Variants in CFAP47 observed in about 807,000 individuals in gnomAD.
CFAP47 encodes the protein cilia- and flagella-associated protein 47.
CFAP47 carries 29 observed loss-of-function variants against 148.1 expected under a neutral mutation model. The observed-to-expected ratio is 0.20, with a 90% CI of 0.15 to 0.27. CFAP47 has a LOEUF of 0.27. CFAP47 is among the 10% of genes least tolerant of loss of function. The pLI is 1.00. For missense variants in CFAP47, 1,872 were observed against 1,697.5 expected, an observed-to-expected ratio of 1.10 and a Z score of -1.81; for synonymous variants, 664 against 577.3, an observed-to-expected ratio of 1.15 and a Z score of -2.15.
In CFAP47 at chrX:35,970,751, A is replaced by G; in HGVS notation, c.1815-17A>G. 2 of 1,138,817 alleles carry G rather than the reference A, an allele frequency of 1.8e-6. No individual in the cohort carries two copies. Among genetic ancestry groups the G allele is most frequent in the East Asian group, 6.1e-5 (2 of 32,894 alleles). 93.9% of individuals were successfully genotyped at this position (1,138,817 alleles called of 1,213,427 possible). A position where few individuals can be genotyped will look rare whatever the true frequency, so the allele number is the denominator to read the frequency against. On this transcript the variant is annotated splice_polypyrimidine_tract_variant and intron_variant, in intron 10 of 63. Transcript: ENST00000378653. The stretch of plus-strand genomic sequence containing the variant: ...ATGCATATATAAAAATATTAACATG[A>G]CTTGCTTATATTGCAGGCCAATTTT...
At chrX:36,312,863 A>G (rs1556010257) in intron 56 of CFAP47, among the ~76,000 whole-genome samples, 1 of 111,236 alleles carries the variant, frequency 9.0e-6, no homozygotes, top group African/African-American at 3.3e-5. Context: ...AGGAGATATG[A>G]GACAAAGGAA....
intron 51 of CFAP47, among the ~76,000 whole-genome samples, chrX:36,292,049 G>A (rs1941198651): frequency 9.0e-6 from 1 of 110,532 alleles, no homozygotes; most frequent in Admixed American, 9.7e-5. Context: ...TAAACTTTAG[G>A]CTCTTCCAGT....
chrX:36,073,284 A>G lies in CFAP47; in HGVS notation c.4611A>G (p.Val1537=), dbSNP rs1937790165. Reference sequence around the variant, plus strand: ...CACACTACTTTTTTGAGAAGGTTGTAAATGCAGCACAGACCTGGTTCAGTC... The same window carrying G: ...CACACTACTTTTTTGAGAAGGTTGTGAATGCAGCACAGACCTGGTTCAGTC... ...TKAHYFFEKV[V]NAAQTWFSLF... is the part of the protein sequence containing the mutation. The change falls in exon 29 of 64, where the codon GTA becomes GTG. Residue 1537 remains valine, a synonymous_variant. Transcript: ENST00000378653. 1 of 1,210,533 alleles carries G rather than the reference A, an allele frequency of 8.3e-7. No individual in the cohort carries two copies. Among genetic ancestry groups the G allele is most frequent in the Non-Finnish European group, 1.1e-6 (1 of 894,644 alleles).
chrX:35,980,329 C>G (rs1301873616), intron 15 of CFAP47, among the ~76,000 whole-genome samples: 1 of 111,883 alleles, frequency 8.9e-6, no homozygotes, highest in African/African-American at 3.2e-5. Context: ...CTCAAGCTGA[C>G]CTGTCAATAT....
chrX:36,235,428 G>C (rs1366703620), intron 46 of CFAP47, among the ~76,000 whole-genome samples: 1 of 112,457 alleles, frequency 8.9e-6, no homozygotes, highest in Admixed American at 9.3e-5. Flanking sequence ...GAGCCAGGTG[G>C]GGGATATAAT....
At chrX:36,232,176 T>A (rs1219658277) in intron 46 of CFAP47, among the ~76,000 whole-genome samples, 2 of 111,561 alleles carry the variant, frequency 1.8e-5, no homozygotes, top group Non-Finnish European at 3.8e-5. Context: ...TGGAATAGTT[T>A]TAGAAGGAAT....
chrX:36,019,758 T>A (rs1024040476), intron 22 of CFAP47, among the ~76,000 whole-genome samples: 4 of 112,105 alleles, frequency 3.6e-5, no homozygotes, highest in African/African-American at 1.3e-4. Context: ...CCCTTTGAAT[T>A]TCTGCAGTAT....
chrX:35,975,752 T>C lies in CFAP47; in HGVS notation c.2552T>C (p.Leu851Pro). The C allele has an allele frequency of 8.3e-7, 1 of 1,209,953 alleles. No individual in the cohort carries two copies. The highest frequency in any genetic ancestry group is 1.1e-6 in the Non-Finnish European group (1 of 893,854). Reference sequence around the variant, plus strand: ...GTTGTCCAGCCAGTAACACTTGAGCTATCTTCTAATGAGCTAGTATTGAGA... The same window carrying C: ...GTTGTCCAGCCAGTAACACTTGAGCCATCTTCTAATGAGCTAGTATTGAGA... ...VAVVQPVTLE[L>P]SSNELVLRPR... is the part of the protein sequence containing the mutation. Residue 851 changes from leucine (L) to proline (P), a missense_variant, in exon 15 of 64, where the codon CTA becomes CCA. Transcript: ENST00000378653.
intron 22 of CFAP47, among the ~76,000 whole-genome samples, chrX:36,023,670 A>G (rs1238307748): frequency 1.8e-5 from 2 of 112,183 alleles, no homozygotes; most frequent in Non-Finnish European, 3.8e-5. Context: ...CACAGACCAC[A>G]AGATGCAGTT....
At chrX:36,015,117 C>T (rs1353346203) in intron 22 of CFAP47, among the ~76,000 whole-genome samples, 1 of 110,037 alleles carries the variant, frequency 9.1e-6, no homozygotes, top group Non-Finnish European at 1.9e-5. Context: ...TAATCTCTGG[C>T]AAGCAACTTG....
chrX:36,270,658 A>G (rs903725452), intron 49 of CFAP47, among the ~76,000 whole-genome samples: 13 of 103,935 alleles, frequency 1.3e-4, no homozygotes, highest in African/African-American at 4.5e-4. Context: ...ATATATAATT[A>G]TATATTATAT....
rs1556024921 is a variant in CFAP47 at position 36,384,978 on chromosome X, AGGG to A, written c.9537_9539del (p.Lys3179_Gly3180delinsAsn). 1 of 1,163,470 alleles carries A rather than the reference AGGG, an allele frequency of 8.6e-7. No homozygotes were observed. The highest frequency in any genetic ancestry group is 1.8e-5 in the African/African-American group (1 of 55,782). On this transcript the variant is annotated inframe_deletion, in exon 64 of 64. Coordinates refer to ENST00000378653, the MANE Select transcript of CFAP47 (RefSeq NM_001304548.2). Reference sequence around the variant, plus strand: ...AGAACAGGGGTGTCTTCCACCATCAAGGGTGCTCCTTTGGTGAAGAATCAATAA... The same window carrying A: ...AGAACAGGGGTGTCTTCCACCATCAATGCTCCTTTGGTGAAGAATCAATAA...
At chrX:36,142,540 C>T (rs184769766) in intron 35 of CFAP47, among the ~76,000 whole-genome samples, 166 of 111,354 alleles carry the variant, frequency 1.5e-3, no homozygotes, top group African/African-American at 5.2e-3. Context: ...ATAAACCTAA[C>T]TTACTTTATT....
At chrX:36,235,145 A>G (rs1940437796) in intron 46 of CFAP47, among the ~76,000 whole-genome samples, 1 of 111,470 alleles carries the variant, frequency 9.0e-6, no homozygotes, top group African/African-American at 3.3e-5. Flanking sequence ...GCTCTCTTCA[A>G]AGCTGTCAGA....
chrX:36,190,301 G>A (rs782388186), intron 42 of CFAP47, 105 bp downstream of exon 42: 20 of 289,495 alleles, frequency 6.9e-5, no homozygotes, highest in Middle Eastern at 9.0e-4. Flanking sequence ...AAATGTGGAT[G>A]ATTTCAGCTC....
At chrX:36,101,054 T>C (rs1484124176) in intron 32 of CFAP47, among the ~76,000 whole-genome samples, 1 of 110,983 alleles carries the variant, frequency 9.0e-6, no homozygotes, top group Non-Finnish European at 1.9e-5. Context: ...GTGCTTCTCT[T>C]TTTCACCATC....
chrX:35,955,460 C>A (rs901928019), intron 7 of CFAP47, among the ~76,000 whole-genome samples: 1 of 112,111 alleles, frequency 8.9e-6, no homozygotes, highest in African/African-American at 3.2e-5. Context: ...TTGAACATGA[C>A]AGACAAGTTC....
chrX:36,038,940 G>C (rs1414956403), intron 24 of CFAP47, 44 bp from the exon 25 acceptor site: 2 of 695,751 alleles, frequency 2.9e-6, no homozygotes, highest in South Asian at 8.5e-5. Flanking sequence ...TTTTTTGTGT[G>C]TTTTAACTAA....
At chrX:35,980,823 C>T (rs1936632720) in intron 15 of CFAP47, among the ~76,000 whole-genome samples, 1 of 110,689 alleles carries the variant, frequency 9.0e-6, no homozygotes. Context: ...TTTTCTTTAG[C>T]TTCACCCTCC....
Sources: allele counts gnomAD v4.1 joint callset (sites outside exome capture counted in the v4.1 genomes callset), GRCh38; gene constraint gnomAD v4.1.1; transcripts MANE v1.5; gene names NCBI Gene and HGNC (gene_info 2026-07-23, HGNC 2026-07-21).